TSPAN11: variants seen among roughly 807,000 people sequenced by gnomAD.
The protein encoded by TSPAN11 is tetraspanin 11.
TSPAN11 carries 29 observed loss-of-function variants against 32.9 expected under a neutral mutation model. The ratio of observed to expected loss-of-function variants is 0.88; its 90% confidence interval spans 0.66 to 1.20. TSPAN11 has a LOEUF of 1.20. TSPAN11 is among the 50% of genes most tolerant of loss of function. The pLI, the probability that TSPAN11 is intolerant of heterozygous loss-of-function variation, is 0.00. For synonymous variants in TSPAN11, 140 were observed against 141.3 expected (o/e 0.99, Z 0.07); for missense variants, 283 against 329.1 (o/e 0.86, Z 1.08).
At chr12:30,961,029 GAA>G (rs113586330) in intron 2 of TSPAN11, among the ~76,000 whole-genome samples, 1,937 of 138,518 alleles carry the variant, frequency 0.014, 38 homozygotes, top group East Asian at 0.084. Flanking sequence ...ACAGAGCGAG[GAA>G]AAAAAAAAAA....
intron 1 of TSPAN11, among the ~76,000 whole-genome samples, chr12:30,936,907 C>T (rs1938056885): frequency 6.6e-6 from 1 of 152,148 alleles, no homozygotes; most frequent in Admixed American, 6.5e-5. Context: ...GAAGGAATGC[C>T]ATCCTTAAAG....
chr12:31,006,287 G>A, the TSPAN11 span, among the ~76,000 whole-genome samples: 3 of 152,182 alleles, frequency 2.0e-5, no homozygotes, highest in African/African-American at 4.8e-5. Flanking sequence ...ACCAGAAGTC[G>A]CCAACCACCC....
chr12:30,991,759 G>A, intron 7 of TSPAN11, 97 bp from the exon 8 acceptor site: 1 of 1,321,928 alleles, frequency 7.6e-7, no homozygotes, highest in Non-Finnish European at 1.1e-6. Context: ...CAGGCCCCAG[G>A]GTATTCGAGT....
intron 3 of TSPAN11, 62 bp from the exon 4 acceptor site, chr12:30,978,499 G>A: frequency 1.3e-6 from 2 of 1,550,814 alleles, no homozygotes; most frequent in Non-Finnish European, 1.8e-6. Flanking sequence ...CCACTGTGGG[G>A]AAACATTTGT....
rs143891304 is a variant in TSPAN11, at chr12:30,964,865, T to C, written c.276+848T>C. Among the ~76,000 whole-genome samples, 43 of 152,330 alleles carry C rather than the reference T, an allele frequency of 2.8e-4. No homozygotes were observed. The East Asian group carries it at 6.7e-3, about 24-fold the overall frequency. On this transcript the variant is annotated intron_variant, in intron 3 of 7. Transcript: ENST00000546076. ...CTAAATTAGGCTCGTGTGTTAAAAT[T>C]GGTTGCTTATCTCCTACGTCTCCTA... is the stretch of plus-strand genomic sequence containing the variant.
chr12:31,011,401 C>T, the TSPAN11 span, among the ~76,000 whole-genome samples: 1 of 152,192 alleles, frequency 6.6e-6, no homozygotes, highest in East Asian at 1.9e-4. Flanking sequence ...CTTCTCTGAC[C>T]TCCTGAAGGA....
intron 1 of TSPAN11, among the ~76,000 whole-genome samples, chr12:30,934,957 A>G (rs2035169470): frequency 6.6e-6 from 1 of 152,044 alleles, no homozygotes; most frequent in African/African-American, 2.4e-5. Flanking sequence ...TCTGTGTGCC[A>G]TTGCCTTTAT....
chr12:30,980,061 C>T (rs1366088232), intron 5 of TSPAN11, among the ~76,000 whole-genome samples: 1 of 152,236 alleles, frequency 6.6e-6, no homozygotes, highest in Non-Finnish European at 1.5e-5. Context: ...TTCCTCCTTC[C>T]CCGGGGAGCT....
intron 1 of TSPAN11, among the ~76,000 whole-genome samples, chr12:30,943,500 G>T (rs1938208001): frequency 6.6e-6 from 1 of 152,230 alleles, no homozygotes; most frequent in Non-Finnish European, 1.5e-5. Flanking sequence ...AAATGTTTAT[G>T]TTTATAATTA....
intron 1 of TSPAN11, among the ~76,000 whole-genome samples, chr12:30,932,288 A>T (rs941856216): frequency 1.3e-5 from 2 of 152,222 alleles, no homozygotes; most frequent in African/African-American, 4.8e-5. Context: ...TTAAATTATT[A>T]GTATGAATTT....
chr12:30,955,991 C>G (rs1172885241), intron 2 of TSPAN11, among the ~76,000 whole-genome samples: 1 of 152,256 alleles, frequency 6.6e-6, no homozygotes, highest in Admixed American at 6.5e-5. Context: ...ACCCCAGGAA[C>G]AGCCTCTGTT....
At chr12:30,977,794 C>T (rs1297402116) in intron 3 of TSPAN11, among the ~76,000 whole-genome samples, 3 of 152,114 alleles carry the variant, frequency 2.0e-5, no homozygotes, top group East Asian at 1.9e-4. Flanking sequence ...ACTGAATGCA[C>T]GGCTGGGAAG....
Position 30,987,132 on chromosome 12 carries a change from G to A in TSPAN11, c.702+3982G>A, listed in dbSNP as rs2140310911. Among the ~76,000 whole-genome samples, 2 of 152,338 alleles carry A rather than the reference G, an allele frequency of 1.3e-5. 1 individual carries two copies. Among genetic ancestry groups the A allele is most frequent in the Non-Finnish European group, 2.9e-5 (2 of 68,034 alleles). On this transcript the variant is annotated intron_variant, in intron 7 of 7. Coordinates refer to ENST00000546076, the MANE Select transcript of TSPAN11 (RefSeq NM_001370302.1). ...GTTTTGCACTTAAGCCTGTAACAGA[G>A]AGAGGGCATCTGCCTGAGTTACATG...
In TSPAN11 at chr12:30,992,223, G is replaced by A. The variant is rs967752730; in HGVS notation, c.*308G>A. Reference sequence around the variant, plus strand: ...GGCACCCGTGGACTACGGGAGGGTGGCGGTTGGGTTCTCTGCTCCCTCCCA... The same window carrying A: ...GGCACCCGTGGACTACGGGAGGGTGACGGTTGGGTTCTCTGCTCCCTCCCA... On this transcript the variant is annotated 3_prime_UTR_variant, in exon 8 of 8. Coordinates refer to ENST00000546076, the MANE Select transcript of TSPAN11 (RefSeq NM_001370302.1). 6.6e-6 allele frequency: 3 copies of A among 452,718 alleles called. No individual in the cohort carries two copies. The highest frequency in any genetic ancestry group is 5.9e-5 in the African/African-American group (3 of 51,262). The allele number at this position is 452,718 out of a possible 1,614,324, so 28.0% of individuals were successfully genotyped here.
intron 1 of TSPAN11, 124 bp downstream of exon 1, chr12:30,926,920 C>A (rs766743717): frequency 1.5e-5 from 19 of 1,281,150 alleles, no homozygotes; most frequent in Non-Finnish European, 1.9e-5. Flanking sequence ...TCCCGAGCTT[C>A]CCCCGGGCGG....
intron 1 of TSPAN11, among the ~76,000 whole-genome samples, chr12:30,943,991 C>A (rs1252945975): frequency 6.6e-6 from 1 of 152,194 alleles, no homozygotes; most frequent in Non-Finnish European, 1.5e-5. Flanking sequence ...GCAGGCATGA[C>A]CTCTTGTTGG....
chr12:30,963,674 C>A, intron 2 of TSPAN11, 152 bp from the exon 3 acceptor site: 1 of 795,456 alleles, frequency 1.3e-6, no homozygotes, highest in Non-Finnish European at 1.9e-6. Context: ...ATTTCCTCAT[C>A]TGTAAAATTG....
At chr12:30,979,081 G>A (rs534257214) in intron 4 of TSPAN11, 7 of 235,008 alleles carry the variant, frequency 3.0e-5, no homozygotes, top group East Asian at 1.0e-4. Context: ...CCTCTGAATC[G>A]GGGATTCGAG....
At chr12:30,943,270 CA>C (rs1429580803) in intron 1 of TSPAN11, among the ~76,000 whole-genome samples, 1 of 152,164 alleles carries the variant, frequency 6.6e-6, no homozygotes, top group Non-Finnish European at 1.5e-5. Flanking sequence ...TAGATCTGCA[CA>C]AGGAAAAGTC....
Sources: allele counts gnomAD v4.1 joint callset (sites outside exome capture counted in the v4.1 genomes callset), GRCh38; gene constraint gnomAD v4.1.1; transcripts MANE v1.5; gene names NCBI Gene and HGNC (gene_info 2026-07-23, HGNC 2026-07-21).